The following TRIM33 variants were observed in gnomAD, a reference collection of about 807,000 sequenced individuals.
TRIM33 encodes the protein tripartite motif containing 33, also known as E3 ubiquitin-protein ligase TRIM33.
In TRIM33, 20 loss-of-function variants were observed where a neutral mutation model predicts 125.4. The observed-to-expected ratio is 0.16, with a 90% confidence interval of 0.11 to 0.23. TRIM33 has a LOEUF of 0.23. Among genes scored for constraint, TRIM33 ranks in the 10% least tolerant of loss-of-function variants. The pLI, the probability that TRIM33 is intolerant of heterozygous loss-of-function variation, is 1.00. For missense variants in TRIM33, 920 were observed against 1,411.4 expected, an observed-to-expected ratio of 0.65 and a Z score of 5.58; for synonymous variants, 564 against 513.9, an observed-to-expected ratio of 1.10 and a Z score of -1.32.
chr1:114,457,667 G>A (rs974777497), intron 4 of TRIM33, among the ~76,000 whole-genome samples: 2 of 152,176 alleles, frequency 1.3e-5, no homozygotes, highest in Non-Finnish European at 2.9e-5. Flanking sequence ...TACCTGAGGA[G>A]CTGCTGATCC....
intron 1 of TRIM33, among the ~76,000 whole-genome samples, chr1:114,500,509 A>C (rs981290380): frequency 2.0e-5 from 3 of 152,044 alleles, no homozygotes; most frequent in Non-Finnish European, 2.9e-5. Context: ...CAGCTTAATA[A>C]GTTTTTAAAA....
At chr1:114,398,081 A>C (rs1322619259) in intron 18 of TRIM33, 91 bp from the exon 19 acceptor site, 1 of 1,341,924 alleles carries the variant, frequency 7.5e-7, no homozygotes, top group African/African-American at 1.5e-5. Context: ...ACGAAAAGTC[A>C]GCCATACTAG....
intron 4 of TRIM33, among the ~76,000 whole-genome samples, chr1:114,439,918 T>C (rs1349430203): frequency 6.6e-6 from 1 of 152,202 alleles, no homozygotes; most frequent in Admixed American, 6.5e-5. Flanking sequence ...CCTTGAATTA[T>C]TTATCCAGAA....
chr1:114,489,510 G>A (rs1390377542), intron 1 of TRIM33, among the ~76,000 whole-genome samples: 2 of 152,180 alleles, frequency 1.3e-5, no homozygotes, highest in Non-Finnish European at 2.9e-5. Flanking sequence ...TTACGGGGCT[G>A]AAGCAAGAGG....
At chr1:114,497,860 T>C (rs75842386) in intron 1 of TRIM33, among the ~76,000 whole-genome samples, 23 of 146,636 alleles carry the variant, frequency 1.6e-4, no homozygotes, top group African/African-American at 5.6e-4. Context: ...AGGAAGCCTA[T>C]GAAACACAAA....
chr1:114,445,558 G>A (rs1378813892), intron 4 of TRIM33, among the ~76,000 whole-genome samples: 1 of 152,052 alleles, frequency 6.6e-6, no homozygotes, highest in Non-Finnish European at 1.5e-5. Flanking sequence ...CTGTTTTGAG[G>A]AATAATGGCC....
chr1:114,452,098 A>C (rs1649346835), intron 4 of TRIM33, among the ~76,000 whole-genome samples: 1 of 152,196 alleles, frequency 6.6e-6, no homozygotes, highest in Admixed American at 6.5e-5. Flanking sequence ...TGAATTAAAA[A>C]ACTGGGTCAC....
intron 5 of TRIM33, among the ~76,000 whole-genome samples, chr1:114,432,143 TCTC>T (rs1647994022): frequency 6.6e-6 from 1 of 152,188 alleles, no homozygotes; most frequent in Non-Finnish European, 1.5e-5. Context: ...ATGAAATCAA[TCTC>T]CTCAACCCCG....
intron 17 of TRIM33, among the ~76,000 whole-genome samples, chr1:114,401,125 C>T (rs933161246): frequency 8.6e-5 from 13 of 151,876 alleles, no homozygotes; most frequent in Non-Finnish European, 2.9e-5. Flanking sequence ...CAAGCTCCGC[C>T]TCCCGGGTTC....
intron 4 of TRIM33, among the ~76,000 whole-genome samples, chr1:114,444,262 G>A (rs924199874): frequency 1.3e-4 from 20 of 152,172 alleles, no homozygotes; most frequent in African/African-American, 4.6e-4. Flanking sequence ...TATTGAATAT[G>A]TGTGAATTCC....
chr1:114,443,332 C>T (rs779893724), intron 4 of TRIM33, among the ~76,000 whole-genome samples: 34 of 151,960 alleles, frequency 2.2e-4, no homozygotes, highest in South Asian at 6.2e-4. Context: ...TGCAGTGAGC[C>T]GAGACCATGC....
chr1:114,419,218 A>G (rs11804196), intron 11 of TRIM33, among the ~76,000 whole-genome samples: 5,095 of 147,908 alleles, frequency 0.034, 109 homozygotes, highest in African/African-American at 0.049. Context: ...AAAAAAAAAA[A>G]AAAGAAAGAA....
chr1:114,487,670 G>A (rs1651787141), intron 1 of TRIM33, among the ~76,000 whole-genome samples: 1 of 151,286 alleles, frequency 6.6e-6, no homozygotes, highest in Non-Finnish European at 1.5e-5. Context: ...GGCCGAGGCG[G>A]GTGGATCATG....
rs369453148 is a variant in TRIM33, at chr1:114,402,743, A to G, written c.2892+17T>C. 2 of 1,608,096 alleles carry G rather than the reference A, an allele frequency of 1.2e-6. No individual in the cohort carries two copies. The highest frequency in any genetic ancestry group is 8.5e-7 in the Non-Finnish European group (1 of 1,177,848). ...ACTACTGAATCCCAGTGACAAATCA[A>G]CTTATTTGACACTTACCCTTTGGTC... On this transcript the variant is annotated intron_variant, in intron 16 of 19. Coordinates refer to ENST00000358465, the MANE Select transcript of TRIM33 (RefSeq NM_015906.4).
At position 114,426,808 on chromosome 1, in the gene TRIM33, G is replaced by A. The variant is rs113761148; in HGVS notation, c.1420+369C>T. The stretch of plus-strand genomic sequence containing the variant: ...GGACACATTAGCATCCTAAAAGTCT[G>A]TTGCTAATGCACAATTTGGCTTAAT... On this transcript the variant is annotated intron_variant, in intron 8 of 19. Transcript: ENST00000358465. Among the ~76,000 whole-genome samples, 672 of 152,270 alleles carry A rather than the reference G, an allele frequency of 4.4e-3. 1 individual carries two copies. The highest frequency in any genetic ancestry group is 7.4e-3 in the Non-Finnish European group (503 of 68,008).
In TRIM33 at chr1:114,396,929, T is replaced by C. The variant is rs888434145; in HGVS notation, c.*719A>G. The C allele has an allele frequency of 4.6e-6, 1 of 215,122 alleles. No individual in the cohort carries two copies. Among genetic ancestry groups the C allele is most frequent in the Non-Finnish European group, 9.4e-6 (1 of 106,512 alleles). 13.3% of individuals were successfully genotyped at this position (215,122 alleles called of 1,614,324 possible). ...GGAAGTGTTTTCTGGAAACAACTAC[T>C]ATAACTCTAAATAATCCACTAATGA... On this transcript the variant is annotated 3_prime_UTR_variant, in exon 20 of 20. Transcript: ENST00000358465.
chr1:114,500,683 G>A (rs1325281440), intron 1 of TRIM33, among the ~76,000 whole-genome samples: 2 of 150,068 alleles, frequency 1.3e-5, no homozygotes, highest in South Asian at 2.1e-4. Context: ...ACGTAGAGAG[G>A]GCAGTGAAAT....
intron 1 of TRIM33, among the ~76,000 whole-genome samples, chr1:114,491,042 G>T (rs1314884634): frequency 6.6e-6 from 1 of 152,158 alleles, no homozygotes; most frequent in Admixed American, 6.6e-5. Context: ...CTGCTAATTG[G>T]TAGAGGGTTT....
chr1:114,401,623 T>C (rs1651899954), intron 16 of TRIM33, among the ~76,000 whole-genome samples, 160 bp from the exon 17 acceptor site: 1 of 152,024 alleles, frequency 6.6e-6, no homozygotes, highest in African/African-American at 2.4e-5. Context: ...CCAAAGAAAA[T>C]TCCCTTGCTT....
Sources: allele counts gnomAD v4.1 joint callset (sites outside exome capture counted in the v4.1 genomes callset), GRCh38; gene constraint gnomAD v4.1.1; transcripts MANE v1.5; gene names NCBI Gene and HGNC (gene_info 2026-07-23, HGNC 2026-07-21).